DNAH9: variants seen among roughly 807,000 people sequenced by gnomAD.
DNAH9 encodes the protein dynein axonemal heavy chain 9, also known as DNAH9 variant protein.
DNAH9 carries 345 observed loss-of-function variants against 471.6 expected under a neutral mutation model. The observed-to-expected ratio is 0.73, with a 90% confidence interval of 0.67 to 0.80. The LOEUF is 0.80. Ranked by LOEUF, DNAH9 falls within the 30% of genes least tolerant of loss-of-function variation. The probability of loss-of-function intolerance (pLI) is 0.00; values close to 1 mark genes in which losing one functional copy is unlikely to be tolerated. For synonymous variants in DNAH9, 2,093 were observed against 2,123.6 expected (o/e 0.99, Z 0.40); for missense variants, 5,407 against 5,609.2 (o/e 0.96, Z 1.15).
chr17:11,678,018 CTATA>C, intron 17 of DNAH9, among the ~76,000 whole-genome samples: 1 of 144,000 alleles, frequency 6.9e-6, no homozygotes, highest in African/African-American at 2.5e-5. Context: ...ATATATATAT[CTATA>C]TATACACCAA....
chr17:11,599,725 A>T (rs2072345143), intron 1 of DNAH9, among the ~76,000 whole-genome samples: 1 of 152,152 alleles, frequency 6.6e-6, no homozygotes, highest in Non-Finnish European at 1.5e-5. Flanking sequence ...ACTGCCCTGC[A>T]AGTCAGGCTG....
At chr17:11,643,179 G>C (rs528175416) in intron 10 of DNAH9, among the ~76,000 whole-genome samples, 1 of 152,316 alleles carries the variant, frequency 6.6e-6, no homozygotes, top group South Asian at 2.1e-4. Context: ...AACCAGTTGA[G>C]GGTAACCGTA....
chr17:11,713,743 C>A (rs1468554780), intron 26 of DNAH9, among the ~76,000 whole-genome samples: 2 of 152,140 alleles, frequency 1.3e-5, no homozygotes, highest in Non-Finnish European at 2.9e-5. Flanking sequence ...ATATATTTAT[C>A]TTCCATTCTA....
chr17:11,847,766 T>C lies in DNAH9; in HGVS notation c.9508-6237T>C, dbSNP rs372550068. On this transcript the variant is annotated intron_variant, in intron 49 of 68. Transcript: ENST00000262442. ...CTTTGCCCTTCCCAACTCTGTTCTTTCCCTAACCTGAGAGACTTGATTTGC... is the reference window on the plus strand; with the variant it reads ...CTTTGCCCTTCCCAACTCTGTTCTTCCCCTAACCTGAGAGACTTGATTTGC... Among the ~76,000 whole-genome samples the C allele has an allele frequency of 2.0e-4, 31 of 152,330 alleles. No individual in the cohort carries two copies. The South Asian group carries it at 6.2e-3, about 31-fold the overall frequency.
chr17:11,729,670 G>T (rs73292635), intron 28 of DNAH9, among the ~76,000 whole-genome samples: 1 of 152,132 alleles, frequency 6.6e-6, no homozygotes, highest in Non-Finnish European at 1.5e-5. Context: ...GTGGCAGAAG[G>T]GGGGTGGGAG....
chr17:11,819,003 T>C (rs1014604453), intron 45 of DNAH9, among the ~76,000 whole-genome samples: 5 of 151,964 alleles, frequency 3.3e-5, no homozygotes, highest in African/African-American at 1.2e-4. Flanking sequence ...TACTTCCTAA[T>C]TCAGAATTTT....
chr17:11,833,523 T>C (rs879301701), intron 48 of DNAH9, among the ~76,000 whole-genome samples: 4 of 151,994 alleles, frequency 2.6e-5, no homozygotes, highest in Non-Finnish European at 5.9e-5. Context: ...TTCTATGTGA[T>C]TGGTTAGGGG....
Position 11,880,080 on chromosome 17 carries a change from A to G in DNAH9, c.10481A>G (p.Tyr3494Cys), listed in dbSNP as rs764075126. ...CGGACTCATACTTGTTTCCCTAGCTACCTTCAAATCATAGAGCAGGCCCTG... is the reference window on the plus strand; with the variant it reads ...CGGACTCATACTTGTTTCCCTAGCTGCCTTCAAATCATAGAGCAGGCCCTG... ...LRVTQIGQKGYLQIIEQALEA... is the reference protein window; with the variant it reads ...LRVTQIGQKGCLQIIEQALEA... The change falls in exon 54 of 69, where the codon TAC (tyrosine) becomes TGC (cysteine). Residue 3494 changes from tyrosine to cysteine, a missense_variant and splice_region_variant. Physicochemically the swap from Tyr to Cys is radical, Grantham distance 194. Around this residue, in one of 3 missense-constraint regions of DNAH9, gnomAD observed 4,636 missense variants for 4,900.3 expected, o/e 0.95. Coordinates refer to ENST00000262442, the MANE Select transcript of DNAH9 (RefSeq NM_001372.4). The G allele has an allele frequency of 3.7e-6, 6 of 1,613,756 alleles. No homozygotes were observed. Among genetic ancestry groups the G allele is most frequent in the Admixed American group, 1.7e-5 (1 of 60,000 alleles).
chr17:11,896,058 G>A (rs1973206827), intron 59 of DNAH9, among the ~76,000 whole-genome samples: 1 of 151,952 alleles, frequency 6.6e-6, no homozygotes, highest in African/African-American at 2.4e-5. Flanking sequence ...TTCTGCAAAG[G>A]GCCACTTAGT....
intron 33 of DNAH9, 122 bp downstream of exon 33, chr17:11,753,082 T>TCATCA (rs1967227150): frequency 1.3e-6 from 1 of 770,254 alleles, no homozygotes. Context: ...TAAGGAACTA[T>TCATCA]CATCAGCATC....
Position 11,744,833 on chromosome 17 carries a change from G to A in DNAH9, c.6148G>A (p.Val2050Met), listed in dbSNP as rs191995793. Residue 2050 changes from valine (V) to methionine (M), a missense_variant, in exon 31 of 69, where the codon GTG (valine) becomes ATG (methionine). Coordinates refer to ENST00000262442, the MANE Select transcript of DNAH9 (RefSeq NM_001372.4). ...CTGGGGCCTACGGGCCATCAAGTCCGTGCTGGTGGTGGCAGGATCCCTGAA... is the reference window on the plus strand; with the variant it reads ...CTGGGGCCTACGGGCCATCAAGTCCATGCTGGTGGTGGCAGGATCCCTGAA... ...YDWGLRAIKS[V>M]LVVAGSLKRG... 124 of 1,614,082 alleles carry A rather than the reference G, an allele frequency of 7.7e-5. No individual in the cohort carries two copies. In the East Asian group the frequency reaches 2.0e-3, roughly 26 times the overall value.
At chr17:11,849,348 G>A (rs1208542274) in intron 49 of DNAH9, among the ~76,000 whole-genome samples, 2 of 152,186 alleles carry the variant, frequency 1.3e-5, no homozygotes, top group African/African-American at 4.8e-5. Context: ...ATATCTGAGA[G>A]CATAAGCCTC....
intron 43 of DNAH9, among the ~76,000 whole-genome samples, chr17:11,804,590 A>G (rs1969592394): frequency 6.6e-6 from 1 of 152,202 alleles, no homozygotes; most frequent in African/African-American, 2.4e-5. Flanking sequence ...TTAAATTGGC[A>G]AAGATTGGCC....
At chr17:11,786,769 G>A (rs1006368762) in intron 41 of DNAH9, among the ~76,000 whole-genome samples, 8 of 152,308 alleles carry the variant, frequency 5.3e-5, no homozygotes, top group Admixed American at 3.9e-4. Flanking sequence ...GGTCACTGAT[G>A]CAATATCAAG....
intron 8 of DNAH9, among the ~76,000 whole-genome samples, chr17:11,636,005 T>G (rs113696350): frequency 0.21 from 32,293 of 151,684 alleles, 3,919 homozygotes; most frequent in Non-Finnish European, 0.27. Context: ...TATTTGTTTG[T>G]TTGGTTTTTT....
Position 11,869,259 on chromosome 17 carries a change from T to C in DNAH9, c.10053+6T>C. 3.1e-6 allele frequency: 5 copies of C among 1,612,622 alleles called. No individual in the cohort carries two copies. Among genetic ancestry groups the C allele is most frequent in the Non-Finnish European group, 4.2e-6 (5 of 1,179,448 alleles). On this transcript the variant is annotated splice_donor_region_variant and intron_variant, in intron 51 of 68. Coordinates refer to ENST00000262442, the MANE Select transcript of DNAH9 (RefSeq NM_001372.4). ...TCTCCCTTGCCAACCGCCTGGTGAG[T>C]GTAAGCCACAGCAGCCCGAGCTGTA...
chr17:11,722,036 C>T (rs1282412593), intron 27 of DNAH9, among the ~76,000 whole-genome samples: 1 of 152,174 alleles, frequency 6.6e-6, no homozygotes, highest in Non-Finnish European at 1.5e-5. Flanking sequence ...GTCCCCAGCC[C>T]TCATTCTGAC....
At chr17:11,685,199 G>A (rs1026405074) in intron 19 of DNAH9, among the ~76,000 whole-genome samples, 3 of 152,148 alleles carry the variant, frequency 2.0e-5, no homozygotes, top group African/African-American at 4.8e-5. Flanking sequence ...CTAGAACATG[G>A]TGCTTATCAT....
In DNAH9 at chr17:11,932,084, C is replaced by T. The variant is rs573166817; in HGVS notation, c.12176C>T (p.Ala4059Val). Reference sequence around the variant, plus strand: ...CTCTTTGCTCTTTGTTACTTCCATGCGGTGGTGGCAGAAAGACGAAAATTT... The same window carrying T: ...CTCTTTGCTCTTTGTTACTTCCATGTGGTGGTGGCAGAAAGACGAAAATTT... ...SILFALCYFHAVVAERRKFGP... is the reference protein window; with the variant it reads ...SILFALCYFHVVVAERRKFGP... Residue 4059 changes from alanine (A) to valine (V), a missense_variant, in exon 64 of 69, where the codon GCG (alanine) becomes GTG (valine). Physicochemically the swap from Ala to Val is moderately conservative, Grantham distance 64 (BLOSUM62 0). Transcript: ENST00000262442. The surrounding 1 kb of genome is among the most constrained non-coding windows in gnomAD (Gnocchi z 4.3). 1.4e-5 allele frequency: 22 copies of T among 1,614,052 alleles called. No homozygotes were observed. In the South Asian group the frequency reaches 1.6e-4, roughly 12 times the overall value.
Sources: gnomAD v4.1 joint callset for allele counts (sites outside exome capture counted in the v4.1 genomes callset) on GRCh38, gnomAD v4.1.1 for gene constraint, gnomAD v4.1.1 regional missense constraint, Gnocchi (gnomAD v3.1) non-coding constraint, MANE v1.5 for transcripts, NCBI Gene and HGNC (gene_info 2026-07-23, HGNC 2026-07-21) for gene names.